LARGE1: variants seen among roughly 807,000 people sequenced by gnomAD.
The protein encoded by LARGE1 is xylosyl- and glucuronyltransferase LARGE1.
Under a neutral mutation model 87.6 loss-of-function variants are expected in LARGE1, and 43 were observed. The observed-to-expected ratio is 0.49, with a 90% CI of 0.38 to 0.63. The LOEUF is 0.63. Ranked by LOEUF, LARGE1 falls within the 30% of genes least tolerant of loss-of-function variation. The probability of loss-of-function intolerance (pLI) is 0.00; values close to 1 mark genes in which losing one functional copy is unlikely to be tolerated. For synonymous variants in LARGE1, 434 were observed against 394.6 expected (o/e 1.10, Z -1.18); for missense variants, 802 against 1,000.2 (o/e 0.80, Z 2.67).
chr22:33,266,008 G>A (rs1415842161), intron 11 of LARGE1, among the ~76,000 whole-genome samples: 1 of 152,068 alleles, frequency 6.6e-6, no homozygotes, highest in African/African-American at 2.4e-5. Context: ...CAAGGACTAG[G>A]CATATTCTGG....
At chr22:33,887,164 C>T (rs553071049) in intron 1 of LARGE1, among the ~76,000 whole-genome samples, 2 of 152,172 alleles carry the variant, frequency 1.3e-5, no homozygotes, top group African/African-American at 2.4e-5. Context: ...TCGATGTCCC[C>T]CCCAAAATTG....
intron 1 of LARGE1, among the ~76,000 whole-genome samples, chr22:33,858,162 T>C (rs1439295619): frequency 6.6e-6 from 1 of 152,204 alleles, no homozygotes; most frequent in African/African-American, 2.4e-5. Context: ...GGCACGTAGC[T>C]GTGCAGGAAC....
intron 11 of LARGE1, among the ~76,000 whole-genome samples, chr22:33,266,993 A>T (rs2145766594): frequency 6.6e-6 from 1 of 151,736 alleles, no homozygotes; most frequent in South Asian, 2.1e-4. Flanking sequence ...TAATCCCAGC[A>T]CTTTGGGAGT....
the LARGE1 span, among the ~76,000 whole-genome samples, chr22:33,090,949 G>C: frequency 0.041 from 6,226 of 152,214 alleles, 320 homozygotes; most frequent in East Asian, 0.25. Context: ...CTGTATGGTA[G>C]AAGTCTCCCT....
intron 2 of LARGE1, among the ~76,000 whole-genome samples, chr22:33,714,628 T>C (rs8141115): frequency 0.12 from 17,994 of 152,246 alleles, 1,580 homozygotes; most frequent in African/African-American, 0.24. Context: ...AGGATAATCT[T>C]CACTGCTCAG....
intron 7 of LARGE1, among the ~76,000 whole-genome samples, chr22:33,387,525 T>G (rs1322037749): frequency 3.4e-4 from 38 of 110,492 alleles, no homozygotes; most frequent in African/African-American, 4.0e-4. Context: ...TATTAAAAAA[T>G]GGGGGGGGGG....
chr22:33,173,868 T>C (rs1922713755), intron 11 of LARGE1, among the ~76,000 whole-genome samples: 3 of 152,122 alleles, frequency 2.0e-5, no homozygotes, highest in African/African-American at 7.2e-5. Context: ...ACAAAGAAAC[T>C]TAGACTCCCA....
chr22:33,127,577 C>T, the LARGE1 span, among the ~76,000 whole-genome samples: 1 of 152,168 alleles, frequency 6.6e-6, no homozygotes, highest in Non-Finnish European at 1.5e-5. Context: ...AGTTCTTTCT[C>T]ATATTCAACT....
intron 1 of LARGE1, among the ~76,000 whole-genome samples, chr22:33,911,364 C>T (rs574037803): frequency 1.4e-4 from 21 of 152,280 alleles, no homozygotes; most frequent in African/African-American, 5.1e-4. Flanking sequence ...AGACGGAAGG[C>T]ATCAGAGAGT....
chr22:33,605,228 C>T (rs1162618131), intron 4 of LARGE1, among the ~76,000 whole-genome samples: 1 of 152,078 alleles, frequency 6.6e-6, no homozygotes, highest in African/African-American at 2.4e-5. Flanking sequence ...TCTGTGCCAA[C>T]CAAGCGGTTA....
At chr22:33,570,037 A>G (rs182670038) in intron 5 of LARGE1, among the ~76,000 whole-genome samples, 192 of 152,322 alleles carry the variant, frequency 1.3e-3, no homozygotes, top group Admixed American at 5.2e-3. Context: ...GAAGAGGCAT[A>G]GTTTGTTGAG....
chr22:33,462,889 AT>A (rs142793394), intron 6 of LARGE1, among the ~76,000 whole-genome samples: 347 of 152,376 alleles, frequency 2.3e-3, no homozygotes, highest in African/African-American at 7.6e-3. Context: ...AATAACAAGC[AT>A]GTAACTCAGA....
At chr22:33,361,706 C>T (rs2064391527) in intron 9 of LARGE1, among the ~76,000 whole-genome samples, 1 of 144,536 alleles carries the variant, frequency 6.9e-6, no homozygotes, top group Non-Finnish European at 1.5e-5. Flanking sequence ...GATTCTGCAT[C>T]ACACTCCCCA....
intron 1 of LARGE1, among the ~76,000 whole-genome samples, chr22:33,810,782 G>C (rs1462007704): frequency 6.6e-6 from 1 of 151,140 alleles, no homozygotes; most frequent in Admixed American, 6.6e-5. Context: ...GGACTGCAAT[G>C]GTGCGATCTT....
intron 11 of LARGE1, among the ~76,000 whole-genome samples, chr22:33,248,116 T>C (rs1926847803): frequency 6.6e-6 from 1 of 152,194 alleles, no homozygotes; most frequent in Non-Finnish European, 1.5e-5. Flanking sequence ...AGAGCAGTTT[T>C]AGGTTCACAG....
chr22:33,297,132 A>T (rs140659898), intron 12 of LARGE1, among the ~76,000 whole-genome samples: 124 of 152,282 alleles, frequency 8.1e-4, no homozygotes, highest in African/African-American at 2.9e-3. Flanking sequence ...TGCCACCTCT[A>T]CCTGGCTTTG....
chr22:33,442,796 T>A (rs1172754544), intron 6 of LARGE1, among the ~76,000 whole-genome samples: 1 of 131,914 alleles, frequency 7.6e-6, no homozygotes, highest in Non-Finnish European at 1.6e-5. Context: ...ACTGATAGCT[T>A]TTTTTTTTTT....
intron 6 of LARGE1, among the ~76,000 whole-genome samples, chr22:33,475,058 G>C (rs1376635708): frequency 6.6e-6 from 1 of 152,160 alleles, no homozygotes; most frequent in Admixed American, 6.5e-5. Flanking sequence ...ACCAGGGAGG[G>C]GGAGCCAGGC....
chr22:33,300,723 G>A (rs1934034777), intron 12 of LARGE1, among the ~76,000 whole-genome samples: 1 of 152,068 alleles, frequency 6.6e-6, no homozygotes. Flanking sequence ...TGGTATTTCA[G>A]TAGAGATGGG....
Sources: gnomAD v4.1 joint callset for allele counts (sites outside exome capture counted in the v4.1 genomes callset) on GRCh38, gnomAD v4.1.1 for gene constraint, MANE v1.5 for transcripts, NCBI Gene and HGNC (gene_info 2026-07-23, HGNC 2026-07-21) for gene names.